AK5: variants seen among roughly 807,000 people sequenced by gnomAD.
The protein encoded by AK5 is adenylate kinase 5.
A neutral mutation model predicts 69.5 loss-of-function variants in AK5; 27 were observed. The ratio of observed to expected loss-of-function variants is 0.39; its 90% CI spans 0.29 to 0.54. The LOEUF is 0.54. Among genes scored for constraint, AK5 ranks in the 20% least tolerant of loss-of-function variants. The probability of loss-of-function intolerance (pLI) is 0.71; values close to 1 mark genes in which losing one functional copy is unlikely to be tolerated. For synonymous variants in AK5, 260 were observed against 244.4 expected, an observed-to-expected ratio of 1.06 and a Z score of -0.60; for missense variants, 531 against 700.4, an observed-to-expected ratio of 0.76 and a Z score of 2.73.
intron 8 of AK5, among the ~76,000 whole-genome samples, chr1:77,446,624 C>T (rs1221045238): frequency 1.3e-5 from 2 of 152,112 alleles, no homozygotes; most frequent in Admixed American, 6.5e-5. Flanking sequence ...ACAGGTCTTT[C>T]ACTTCCTTCG....
At chr1:77,368,264 T>TATATATATTATATATA (rs1647048945) in intron 6 of AK5, among the ~76,000 whole-genome samples, 13 of 96,616 alleles carry the variant, frequency 1.3e-4, no homozygotes, top group African/African-American at 2.1e-4. Flanking sequence ...ATATATATGT[T>TATATATATTATATATA]ATATATATGT....
chr1:77,299,487 A>G (rs990774342), intron 5 of AK5, among the ~76,000 whole-genome samples: 1 of 152,074 alleles, frequency 6.6e-6, no homozygotes, highest in East Asian at 1.9e-4. Context: ...GAATGTTCCC[A>G]TTAACGGTTT....
intron 13 of AK5, among the ~76,000 whole-genome samples, chr1:77,553,955 C>T (rs1432334672): frequency 6.6e-6 from 1 of 152,092 alleles, no homozygotes; most frequent in Non-Finnish European, 1.5e-5. Context: ...GGGTTAAATG[C>T]AGCATAGCAT....
chr1:77,507,520 G>T (rs1215290703), intron 10 of AK5, among the ~76,000 whole-genome samples: 2 of 152,210 alleles, frequency 1.3e-5, no homozygotes, highest in African/African-American at 2.4e-5. Context: ...AAACATATTT[G>T]GTCTCTCAAC....
intron 6 of AK5, among the ~76,000 whole-genome samples, chr1:77,347,940 T>G (rs933950186): frequency 3.9e-5 from 6 of 152,094 alleles, no homozygotes; most frequent in African/African-American, 1.4e-4. Flanking sequence ...CAAATGCATC[T>G]CTCTCGAGGT....
intron 5 of AK5, among the ~76,000 whole-genome samples, chr1:77,326,036 A>T (rs1660786618): frequency 2.0e-5 from 3 of 152,138 alleles, no homozygotes; most frequent in Non-Finnish European, 4.4e-5. Context: ...AAATTTGAGA[A>T]CAAGATGCAC....
At chr1:77,526,204 G>T (rs375057198) in intron 12 of AK5, among the ~76,000 whole-genome samples, 1 of 152,174 alleles carries the variant, frequency 6.6e-6, no homozygotes, top group African/African-American at 2.4e-5. Context: ...GGCCTGTGCA[G>T]GGCTGGGGGG....
intron 13 of AK5, among the ~76,000 whole-genome samples, chr1:77,546,268 C>T (rs1235203563): frequency 6.6e-6 from 1 of 152,152 alleles, no homozygotes; most frequent in African/African-American, 2.4e-5. Context: ...AGGGCACCCC[C>T]TTCACTGAGG....
At chr1:77,357,709 T>C (rs1182340951) in intron 6 of AK5, among the ~76,000 whole-genome samples, 1 of 152,218 alleles carries the variant, frequency 6.6e-6, no homozygotes, top group African/African-American at 2.4e-5. Flanking sequence ...CTCATTACTT[T>C]TCAAAATGAC....
At chr1:77,455,066 A>T (rs1204591528) in intron 8 of AK5, among the ~76,000 whole-genome samples, 4 of 152,214 alleles carry the variant, frequency 2.6e-5, no homozygotes, top group Non-Finnish European at 2.9e-5. Context: ...ATACTTCTTT[A>T]TCCATACCAG....
chr1:77,546,903 A>G (rs184092639), intron 13 of AK5, among the ~76,000 whole-genome samples: 61 of 152,346 alleles, frequency 4.0e-4, no homozygotes, highest in African/African-American at 1.4e-3. Context: ...AGAGAAACTC[A>G]AGCCAGATGA....
At chr1:77,456,930 A>T (rs938367418) in intron 8 of AK5, among the ~76,000 whole-genome samples, 2 of 151,938 alleles carry the variant, frequency 1.3e-5, no homozygotes, top group African/African-American at 4.8e-5. Flanking sequence ...TTAAAAAAAA[A>T]AAAAAAGTCA....
At chr1:77,528,530 AAATGCAAACT>A (rs2100336563) in intron 12 of AK5, among the ~76,000 whole-genome samples, 1 of 152,326 alleles carries the variant, frequency 6.6e-6, no homozygotes, top group African/African-American at 2.4e-5. Context: ...GCTAAAAATC[AAATGCAAACT>A]AATGTCCACA....
chr1:77,448,718 CAAG>C (rs1652913160), intron 8 of AK5, among the ~76,000 whole-genome samples: 1 of 152,198 alleles, frequency 6.6e-6, no homozygotes, highest in African/African-American at 2.4e-5. Flanking sequence ...TTGCAGACAA[CAAG>C]AAGGAGGGAA....
chr1:77,384,489 A>C (rs1401628190), intron 6 of AK5, among the ~76,000 whole-genome samples: 1 of 152,168 alleles, frequency 6.6e-6, no homozygotes, highest in Non-Finnish European at 1.5e-5. Context: ...TGTGTTTTAA[A>C]GATAAGGAAA....
At chr1:77,367,884 A>AC (rs1424366786) in intron 6 of AK5, among the ~76,000 whole-genome samples, 5 of 14,436 alleles carry the variant, frequency 3.5e-4, no homozygotes, top group Non-Finnish European at 5.1e-4. Flanking sequence ...TATAATATAA[A>AC]ATATATGTGA....
chr1:77,299,341 C>A lies in AK5; in HGVS notation c.699+1394C>A, dbSNP rs111469589. On this transcript the variant is annotated intron_variant, in intron 5 of 13. Coordinates refer to ENST00000354567, the MANE Select transcript of AK5 (RefSeq NM_174858.3). ...TTTTTAATCTTTTTCTTATTTATTT[C>A]AAGGAGCATTTAACATATTACAGAT... Among the ~76,000 whole-genome samples the A allele has an allele frequency of 5.0e-3, 722 of 143,534 alleles. 8 individuals are homozygous for A. Among genetic ancestry groups the A allele is most frequent in the African/African-American group, 0.017 (670 of 40,410 alleles). 94.2% of individuals were successfully genotyped at this position (143,534 alleles called of 152,430 possible).
chr1:77,310,722 C>T (rs1359731301), intron 5 of AK5, among the ~76,000 whole-genome samples: 3 of 151,948 alleles, frequency 2.0e-5, no homozygotes, highest in African/African-American at 7.3e-5. Context: ...ATTTATTCTT[C>T]TTTATAAATT....
At chr1:77,324,980 C>CTTTTTTTTTTTTTTTTTTTT (rs374298984) in intron 5 of AK5, among the ~76,000 whole-genome samples, 4 of 139,196 alleles carry the variant, frequency 2.9e-5, no homozygotes, top group Non-Finnish European at 3.1e-5. Flanking sequence ...TTACGAGCTA[C>CTTTTTTTTTTTTTTTTTTTT]TTTTTTTTTT....
Sources: allele counts gnomAD v4.1 joint callset (sites outside exome capture counted in the v4.1 genomes callset), GRCh38; gene constraint gnomAD v4.1.1; transcripts MANE v1.5; gene names NCBI Gene and HGNC (gene_info 2026-07-23, HGNC 2026-07-21).